Variants in CCDC171 observed in about 807,000 individuals in gnomAD.
CCDC171 encodes the protein coiled-coil domain-containing protein 171.
CCDC171 carries 177 observed loss-of-function variants against 168.2 expected under a neutral mutation model. The ratio of observed to expected loss-of-function variants is 1.05; its 90% CI spans 0.93 to 1.19. CCDC171 has a LOEUF of 1.19. Ranked by LOEUF, CCDC171 falls within the 50% of genes most tolerant of loss-of-function variation. The pLI is 0.00. For synonymous variants in CCDC171, 687 were observed against 540.8 expected (o/e 1.27, Z -3.75); for missense variants, 1,991 against 1,539.0 (o/e 1.29, Z -4.91).
At chr9:16,042,701 G>A, upstream of CCDC171, 1 of 152,280 alleles carries the variant, frequency 6.6e-6, no homozygotes, top group African/African-American at 2.4e-5. Flanking sequence ...CTCTAGGGGT[G>A]AGGGTGGTGA....
chr9:15,611,239 G>C (rs2043663596), intron 6 of CCDC171, among the ~76,000 whole-genome samples: 1 of 152,100 alleles, frequency 6.6e-6, no homozygotes, highest in Non-Finnish European at 1.5e-5. Flanking sequence ...CATGCTTCCT[G>C]TACAGCCTGC....
chr9:15,606,622 C>G (rs1389128813), intron 6 of CCDC171, among the ~76,000 whole-genome samples: 1 of 152,106 alleles, frequency 6.6e-6, no homozygotes, highest in East Asian at 1.9e-4. Context: ...ACTTTTCTAA[C>G]TAGTGTAATT....
intron 7 of CCDC171, among the ~76,000 whole-genome samples, chr9:15,638,019 G>T (rs1359847976): frequency 2.0e-5 from 3 of 152,068 alleles, no homozygotes; most frequent in Admixed American, 6.5e-5. Flanking sequence ...GGTATTTCTA[G>T]TTCTAGATCC....
intron 24 of CCDC171, among the ~76,000 whole-genome samples, chr9:15,902,262 G>GTATA (rs1168245282): frequency 9.1e-5 from 13 of 142,994 alleles, no homozygotes; most frequent in African/African-American, 2.9e-4. Context: ...ATATATATAT[G>GTATA]TATATATATA....
At position 15,922,186 on chromosome 9, in the gene CCDC171, C is replaced by T. The variant is rs541885086; in HGVS notation, c.3753+1764C>T. 3.8e-5 allele frequency: 15 copies of T among 398,614 alleles called. No homozygotes were observed. The East Asian group carries it at 1.0e-3, about 27-fold the overall frequency. 24.7% of individuals were successfully genotyped at this position (398,614 alleles called of 1,614,324 possible). A position where few individuals can be genotyped will look rare whatever the true frequency, so the allele number is the denominator to read the frequency against. On this transcript the variant is annotated intron_variant, in intron 25 of 25. Coordinates refer to ENST00000380701, the MANE Select transcript of CCDC171 (RefSeq NM_173550.4). ...TTCATCTATAGAATGCGAAACATTC[C>T]CCCAGGTGATTCTGATGTATCCTTT...
rs2043907486 is a variant in CCDC171, at chr9:15,614,055, T to C, written c.676-9212T>C. Among the ~76,000 whole-genome samples, 5 of 152,226 alleles carry C rather than the reference T, an allele frequency of 3.3e-5. No homozygotes were observed. In the South Asian group the frequency reaches 1.0e-3, roughly 31 times the overall value. ...GTGGTTCTTTCTTTATGTTGGAGTA[T>C]GCATTCAATGCTTTTGTGGGCTGAT... On this transcript the variant is annotated intron_variant, in intron 6 of 25. Coordinates refer to ENST00000380701, the MANE Select transcript of CCDC171 (RefSeq NM_173550.4).
intron 21 of CCDC171, among the ~76,000 whole-genome samples, chr9:15,814,458 T>C (rs2059482629): frequency 6.6e-6 from 1 of 152,138 alleles, no homozygotes; most frequent in Non-Finnish European, 1.5e-5. Flanking sequence ...TAGCAAACAA[T>C]GGGAATAGTA....
chr9:15,756,694 T>C (rs1730656221), intron 18 of CCDC171, among the ~76,000 whole-genome samples: 1 of 152,250 alleles, frequency 6.6e-6, no homozygotes, highest in Non-Finnish European at 1.5e-5. Flanking sequence ...GGTTTGGCTC[T>C]ATGTCCCCAC....
At chr9:15,932,845 C>G (rs775822405) in intron 25 of CCDC171, among the ~76,000 whole-genome samples, 2 of 151,862 alleles carry the variant, frequency 1.3e-5, no homozygotes, top group Non-Finnish European at 2.9e-5. Context: ...TTTTCTGTGT[C>G]TATTGAAATG....
At chr9:15,734,519 A>C (rs2134413925) in intron 16 of CCDC171, among the ~76,000 whole-genome samples, 1 of 152,280 alleles carries the variant, frequency 6.6e-6, no homozygotes, top group South Asian at 2.1e-4. Context: ...GCCTGGGCGA[A>C]ACTCCAACAA....
At chr9:15,980,703 A>T (rs1169293698) in intron 3 of CCDC171, among the ~76,000 whole-genome samples, 1 of 151,068 alleles carries the variant, frequency 6.6e-6, no homozygotes, top group Admixed American at 6.6e-5. Context: ...ATATTCTGTT[A>T]TAATGTCATG....
At chr9:15,694,063 A>G (rs921124607) in intron 10 of CCDC171, among the ~76,000 whole-genome samples, 36 of 152,300 alleles carry the variant, frequency 2.4e-4, no homozygotes, top group African/African-American at 7.2e-4. Context: ...TTTTGCTTCA[A>G]TTGGCATGAT....
chr9:15,918,397 A>G (rs1824840930), intron 24 of CCDC171, among the ~76,000 whole-genome samples: 1 of 150,524 alleles, frequency 6.6e-6, no homozygotes, highest in Admixed American at 6.7e-5. Context: ...GCATTTCCCA[A>G]CAACATAGAG....
intron 3 of CCDC171, among the ~76,000 whole-genome samples, chr9:15,985,609 G>T (rs533517943): frequency 6.6e-6 from 1 of 152,314 alleles, no homozygotes; most frequent in African/African-American, 2.4e-5. Context: ...CAATGGAATG[G>T]CAGATTCTTC....
At chr9:15,736,865 A>G (rs1403887123) in intron 16 of CCDC171, among the ~76,000 whole-genome samples, 2 of 151,840 alleles carry the variant, frequency 1.3e-5, no homozygotes, top group East Asian at 1.9e-4. Flanking sequence ...TTTCGTAGAG[A>G]TTGGGTTTTG....
At chr9:15,931,455 TC>T (rs1290249794) in intron 25 of CCDC171, among the ~76,000 whole-genome samples, 6 of 129,016 alleles carry the variant, frequency 4.7e-5, no homozygotes, top group African/African-American at 8.7e-5. Flanking sequence ...TTTCTTTCTT[TC>T]TTTTTTTTTT....
intron 3 of CCDC171, among the ~76,000 whole-genome samples, chr9:16,020,323 T>C (rs911302619): frequency 3.3e-5 from 5 of 152,208 alleles, no homozygotes; most frequent in African/African-American, 1.2e-4. Flanking sequence ...TATGCAAATA[T>C]TCCAAAATCC....
intron 11 of CCDC171, among the ~76,000 whole-genome samples, chr9:15,715,084 G>C (rs956974117): frequency 6.6e-6 from 1 of 152,180 alleles, no homozygotes; most frequent in African/African-American, 2.4e-5. Context: ...AGTGTTTGCT[G>C]TTAATCTTTG....
chr9:15,753,149 G>C (rs1247177238), intron 18 of CCDC171, among the ~76,000 whole-genome samples: 1 of 152,124 alleles, frequency 6.6e-6, no homozygotes, highest in Non-Finnish European at 1.5e-5. Context: ...TTAAGGGTGA[G>C]ATGAAGAGAT....
Sources: allele counts gnomAD v4.1 joint callset (sites outside exome capture counted in the v4.1 genomes callset), GRCh38; gene constraint gnomAD v4.1.1; transcripts MANE v1.5; gene names NCBI Gene and HGNC (gene_info 2026-07-23, HGNC 2026-07-21).